Variants in TRIO observed in about 807,000 individuals in gnomAD.
TRIO encodes the protein triple functional domain protein.
TRIO carries 58 observed loss-of-function variants against 351.9 expected under a neutral mutation model. The ratio of observed to expected loss-of-function variants is 0.16; its 90% CI spans 0.13 to 0.21. TRIO has a LOEUF of 0.21. Ranked by LOEUF, TRIO falls within the 10% of genes least tolerant of loss-of-function variation. TRIO has a pLI of 1.00. For missense variants in TRIO, 3,201 were observed against 4,027.8 expected (o/e 0.79, Z 5.56); for synonymous variants, 1,758 against 1,595.7 (o/e 1.10, Z -2.42).
At chr5:14,145,062 C>T (rs989507482) in intron 1 of TRIO, among the ~76,000 whole-genome samples, 1 of 151,844 alleles carries the variant, frequency 6.6e-6, no homozygotes, top group African/African-American at 2.4e-5. Context: ...TGGTGGCGGC[C>T]TCGGGGAGGA....
chr5:14,316,340 C>A (rs1363720870), intron 8 of TRIO, among the ~76,000 whole-genome samples, 173 bp from the exon 9 acceptor site: 2 of 152,222 alleles, frequency 1.3e-5, no homozygotes, highest in East Asian at 1.9e-4. Flanking sequence ...CTATATAAAA[C>A]TGCCTCTGAG....
intron 2 of TRIO, among the ~76,000 whole-genome samples, chr5:14,276,891 G>A (rs533788807): frequency 1.3e-5 from 2 of 152,166 alleles, no homozygotes; most frequent in South Asian, 4.2e-4. Context: ...TGAGGTCTCA[G>A]GGTTTAAGGA....
intron 1 of TRIO, among the ~76,000 whole-genome samples, chr5:14,158,189 GC>G (rs1788230406): frequency 6.6e-6 from 1 of 152,114 alleles, no homozygotes; most frequent in South Asian, 2.1e-4. Flanking sequence ...CACTTTAGGA[GC>G]CCGAAGCATG....
chr5:14,393,607 T>C (rs1367122190), intron 27 of TRIO, among the ~76,000 whole-genome samples: 1 of 152,164 alleles, frequency 6.6e-6, no homozygotes, highest in Non-Finnish European at 1.5e-5. Context: ...CTCATTTAAC[T>C]CTAAGCTCTG....
At chr5:14,465,972 T>G in intron 37 of TRIO, 1 of 314,306 alleles carries the variant, frequency 3.2e-6, no homozygotes, top group Non-Finnish European at 6.3e-6. Context: ...AGACAGAGGA[T>G]TGCCAACCAC....
At chr5:14,496,018 A>G (rs1239726058) in intron 49 of TRIO, among the ~76,000 whole-genome samples, 1 of 152,176 alleles carries the variant, frequency 6.6e-6, no homozygotes, top group East Asian at 1.9e-4. Flanking sequence ...TACCACCTTG[A>G]TCAGTCAGCA....
At chr5:14,444,701 G>T (rs888428045) in intron 34 of TRIO, among the ~76,000 whole-genome samples, 3 of 152,210 alleles carry the variant, frequency 2.0e-5, no homozygotes, top group East Asian at 3.9e-4. Flanking sequence ...AAATAATTTT[G>T]TTCCCTTGCT....
chr5:14,435,747 T>C (rs1751530593), intron 34 of TRIO, among the ~76,000 whole-genome samples: 1 of 152,190 alleles, frequency 6.6e-6, no homozygotes, highest in African/African-American at 2.4e-5. Context: ...CTTCTTAGAT[T>C]GTTCCAGCTG....
At chr5:14,461,349 G>T in intron 35 of TRIO, 38 bp downstream of exon 35, 1 of 1,471,828 alleles carries the variant, frequency 6.8e-7, no homozygotes, top group Non-Finnish European at 9.0e-7. Flanking sequence ...GGCGTGGCGG[G>T]GCCCGCTGGG....
intron 29 of TRIO, among the ~76,000 whole-genome samples, chr5:14,398,642 C>T (rs1196439815): frequency 1.3e-5 from 2 of 152,060 alleles, no homozygotes; most frequent in Non-Finnish European, 2.9e-5. Flanking sequence ...AGAATAAAGC[C>T]ATGAGGAATC....
intron 1 of TRIO, among the ~76,000 whole-genome samples, chr5:14,177,265 T>G (rs1466275030): frequency 6.6e-6 from 1 of 152,252 alleles, no homozygotes; most frequent in Non-Finnish European, 1.5e-5. Context: ...TTTTAGTGGC[T>G]TATATTTCAC....
rs1035789713 is a variant in TRIO, at chr5:14,509,180, C to T, written c.*758C>T. On this transcript the variant is annotated 3_prime_UTR_variant, in exon 57 of 57. Transcript: ENST00000344204. ...CCCTCCCCCTGTTCCTGCCCCAAGC[C>T]GTCAATCAGATTGTGGAGCAGTACA... 1.6e-5 allele frequency: 4 copies of T among 256,158 alleles called. No individual in the cohort carries two copies. The highest frequency in any genetic ancestry group is 1.5e-3 in the Middle Eastern group (1 of 686). The allele number at this position is 256,158 out of a possible 1,614,324, so 15.9% of individuals were successfully genotyped here.
At chr5:14,314,532 C>T (rs1739210477) in intron 8 of TRIO, among the ~76,000 whole-genome samples, 1 of 150,830 alleles carries the variant, frequency 6.6e-6, no homozygotes, top group Non-Finnish European at 1.5e-5. Flanking sequence ...CAAAGAAAAC[C>T]AAACACTGTC....
At chr5:14,180,660 C>T (rs1005876312) in intron 1 of TRIO, among the ~76,000 whole-genome samples, 6 of 151,992 alleles carry the variant, frequency 3.9e-5, no homozygotes, top group Non-Finnish European at 8.8e-5. Flanking sequence ...ATAGCAAGAT[C>T]CTATCTCTAC....
At chr5:14,192,299 G>T (rs781096527) in intron 1 of TRIO, among the ~76,000 whole-genome samples, 1 of 146,980 alleles carries the variant, frequency 6.8e-6, no homozygotes, top group East Asian at 2.0e-4. Flanking sequence ...TTGCTCTGTC[G>T]CCCAGGGTGG....
rs111969821 is a variant in TRIO, at chr5:14,507,409, A to ATC, written c.8751+159_8751+160dup. The ATC allele has an allele frequency of 0.73, 706,925 of 961,936 alleles. 265,030 individuals are homozygous for ATC. Among genetic ancestry groups the ATC allele is most frequent in the East Asian group, 0.98 (34,326 of 34,916 alleles). The allele number at this position is 961,936 out of a possible 1,614,324, so 59.6% of individuals were successfully genotyped here. A position where few individuals can be genotyped will look rare whatever the true frequency, so the allele number is the denominator to read the frequency against. On this transcript the variant is annotated intron_variant, in intron 56 of 56. Transcript: ENST00000344204. Reference sequence around the variant, plus strand: ...GGGGCAGCGCAGACACTGATTGCTAATCTCTCTCTCTAAGCGTTTGCGTTC... The same window carrying ATC: ...GGGGCAGCGCAGACACTGATTGCTAATCTCTCTCTCTCTAAGCGTTTGCGTTC...
At chr5:14,222,792 T>C (rs891081808) in intron 1 of TRIO, among the ~76,000 whole-genome samples, 33 of 152,236 alleles carry the variant, frequency 2.2e-4, no homozygotes, top group Non-Finnish European at 3.1e-4. Flanking sequence ...GTAAGAATCC[T>C]GAAGCCCCAG....
chr5:14,487,362 T>A, intron 47 of TRIO, 102 bp from the exon 48 acceptor site: 1 of 1,062,986 alleles, frequency 9.4e-7, no homozygotes, highest in Non-Finnish European at 1.2e-6. Context: ...CTGCACGGGG[T>A]CTGCCCCATG....
intron 34 of TRIO, among the ~76,000 whole-genome samples, chr5:14,425,702 G>A (rs1014531703): frequency 1.3e-5 from 2 of 152,202 alleles, no homozygotes; most frequent in Admixed American, 6.5e-5. Context: ...ATTAGATCAT[G>A]AGGGCAGAGC....
Sources: allele counts gnomAD v4.1 joint callset (sites outside exome capture counted in the v4.1 genomes callset), GRCh38; gene constraint gnomAD v4.1.1; transcripts MANE v1.5; gene names NCBI Gene and HGNC (gene_info 2026-07-23, HGNC 2026-07-21).